Variants in CABIN1 observed in about 807,000 individuals in gnomAD.
CABIN1 encodes calcineurin-binding protein cabin-1.
A neutral mutation model predicts 227.7 loss-of-function variants in CABIN1; 133 were observed. The ratio of observed to expected loss-of-function variants is 0.58; its 90% CI spans 0.51 to 0.67. The LOEUF is 0.67. CABIN1 is among the 30% of genes least tolerant of loss of function. CABIN1 has a pLI of 0.00. For synonymous variants in CABIN1, 1,086 were observed against 1,155.1 expected (o/e 0.94, Z 1.21); for missense variants, 2,408 against 2,852.5 (o/e 0.84, Z 3.55).
chr22:24,175,775 C>T, intron 34 of CABIN1: 2 of 445,784 alleles, frequency 4.5e-6, no homozygotes, highest in Non-Finnish European at 4.2e-6. Context: ...TGGACACTGC[C>T]CCCCCATCCC....
intron 1 of CABIN1, among the ~76,000 whole-genome samples, chr22:24,019,551 C>T (rs185601788): frequency 2.0e-5 from 3 of 151,152 alleles, no homozygotes; most frequent in East Asian, 2.0e-4. Flanking sequence ...CACCATGCCC[C>T]GCCTGCTGAG....
At chr22:24,015,466 T>C (rs916733106) in intron 1 of CABIN1, among the ~76,000 whole-genome samples, 42 of 150,388 alleles carry the variant, frequency 2.8e-4, no homozygotes, top group African/African-American at 1.0e-3. Context: ...TGCCTGAGCC[T>C]CCCGAGTAGC....
chr22:24,071,468 A>G (rs878964224), intron 17 of CABIN1, among the ~76,000 whole-genome samples: 5 of 152,160 alleles, frequency 3.3e-5, no homozygotes, highest in Admixed American at 3.3e-4. Context: ...TCTTTAAGGC[A>G]GAGAATCTTC....
At position 24,083,210 on chromosome 22, in the gene CABIN1, C is replaced by T; in HGVS notation, c.2749-18C>T. 6.2e-7 allele frequency: 1 copy of T among 1,611,906 alleles called. No individual in the cohort carries two copies. Among genetic ancestry groups the T allele is most frequent in the Non-Finnish European group, 8.5e-7 (1 of 1,179,880 alleles). On this transcript the variant is annotated intron_variant, in intron 19 of 36. Coordinates refer to ENST00000263119, the MANE Select transcript of CABIN1 (RefSeq NM_012295.4). The stretch of plus-strand genomic sequence containing the variant: ...GCTACAGGCCCTCACCTCAGGCCAT[C>T]TCTTCTGCCCACCACAGGTGCGAGT...
chr22:24,131,235 C>T (rs1387874551), intron 28 of CABIN1, among the ~76,000 whole-genome samples: 1 of 152,222 alleles, frequency 6.6e-6, no homozygotes, highest in African/African-American at 2.4e-5. Context: ...ACATCTCCTC[C>T]TGCTGGCCTC....
chr22:24,159,406 G>T (rs935760148), intron 29 of CABIN1, among the ~76,000 whole-genome samples: 1 of 152,246 alleles, frequency 6.6e-6, no homozygotes, highest in African/African-American at 2.4e-5. Context: ...GGACAACCTG[G>T]GTGAGCTGGA....
chr22:24,081,282 G>GCT (rs1187007106), intron 19 of CABIN1, among the ~76,000 whole-genome samples: 1 of 152,014 alleles, frequency 6.6e-6, no homozygotes, highest in Non-Finnish European at 1.5e-5. Context: ...GTGGTCTAGA[G>GCT]CTCTCTCTCT....
intron 18 of CABIN1, among the ~76,000 whole-genome samples, chr22:24,074,269 G>C (rs1300985616): frequency 1.3e-5 from 2 of 152,076 alleles, no homozygotes; most frequent in Non-Finnish European, 2.9e-5. Context: ...AGTAAATGCG[G>C]ATAGAGGAAT....
chr22:24,160,136 G>A (rs2148612875), intron 29 of CABIN1, among the ~76,000 whole-genome samples: 1 of 152,194 alleles, frequency 6.6e-6, no homozygotes, highest in Admixed American at 6.5e-5. Context: ...TCCCTCTCTG[G>A]AAAATGAGGG....
intron 35 of CABIN1, among the ~76,000 whole-genome samples, chr22:24,176,924 G>A (rs1466648000): frequency 6.6e-6 from 1 of 152,254 alleles, no homozygotes; most frequent in African/African-American, 2.4e-5. Flanking sequence ...TGGGGCTGCA[G>A]AGGAATGTGG....
chr22:24,098,723 G>A (rs1433323981), intron 26 of CABIN1, among the ~76,000 whole-genome samples: 1 of 152,196 alleles, frequency 6.6e-6, no homozygotes. Context: ...GTGGGATGGG[G>A]CAGGTGGCGA....
intron 26 of CABIN1, among the ~76,000 whole-genome samples, chr22:24,108,129 G>C (rs367846287): frequency 1.1e-4 from 17 of 152,244 alleles, no homozygotes; most frequent in Non-Finnish European, 2.2e-4. Flanking sequence ...CAGGGACAGA[G>C]GTAGGAAGAC....
Position 24,176,207 on chromosome 22 carries a change from C to T in CABIN1, c.6137C>T (p.Pro2046Leu), listed in dbSNP as rs748763833. Residue 2046 changes from proline to leucine, a missense_variant, in exon 35 of 37, where the codon CCG becomes CTG. Pro to Leu is a moderately conservative substitution (Grantham distance 98). Coordinates refer to ENST00000263119, the MANE Select transcript of CABIN1 (RefSeq NM_012295.4). ...GTGAAGATGGCCCCCACAAGTTCCC[C>T]GGCAGAGCCACACTGCTGGCCGGCA... ...PQVKMAPTSS[P>L]AEPHCWPAEA... The T allele has an allele frequency of 6.2e-6, 10 of 1,610,490 alleles. No homozygotes were observed. The highest frequency in any genetic ancestry group is 1.6e-4 in the Middle Eastern group (1 of 6,072).
intron 5 of CABIN1, 21 bp downstream of exon 5, chr22:24,041,294 A>C: frequency 1.2e-6 from 2 of 1,614,108 alleles, no homozygotes; most frequent in Non-Finnish European, 1.7e-6. Flanking sequence ...GGCAGTGCTT[A>C]GCTACCTTGG....
rs748248035 is a variant in CABIN1 at position 24,134,266 on chromosome 22, A to G, written c.4633-36A>G. The G allele has an allele frequency of 2.6e-6, 4 of 1,553,004 alleles. No homozygotes were observed. In the South Asian group the frequency reaches 3.4e-5, roughly 13 times the overall value. ...TCCCTGTGGGCGCCCTGAGCAGCCCACACACTCACTTTCAACCTACTTCTT... is the reference window on the plus strand; with the variant it reads ...TCCCTGTGGGCGCCCTGAGCAGCCCGCACACTCACTTTCAACCTACTTCTT... On this transcript the variant is annotated intron_variant, in intron 28 of 36. Coordinates refer to ENST00000263119, the MANE Select transcript of CABIN1 (RefSeq NM_012295.4).
intron 8 of CABIN1, 103 bp downstream of exon 8, chr22:24,051,077 T>A (rs1286993373): frequency 6.7e-7 from 1 of 1,494,202 alleles, no homozygotes; most frequent in Non-Finnish European, 9.3e-7. Flanking sequence ...TGATCCTGGG[T>A]TGGTGGTATG....
At chr22:24,033,998 C>T (rs1384492531) in intron 1 of CABIN1, among the ~76,000 whole-genome samples, 1 of 152,196 alleles carries the variant, frequency 6.6e-6, no homozygotes. Context: ...AATTTTTCCA[C>T]GGACCAGAGG....
At chr22:24,022,978 G>T (rs6004041) in intron 1 of CABIN1, among the ~76,000 whole-genome samples, 1 of 151,872 alleles carries the variant, frequency 6.6e-6, no homozygotes, top group African/African-American at 2.4e-5. Context: ...CAATTCAGTG[G>T]CATAAAGAAC....
At chr22:24,019,057 G>GTA (rs2035505672) in intron 1 of CABIN1, among the ~76,000 whole-genome samples, 1 of 135,638 alleles carries the variant, frequency 7.4e-6, no homozygotes, top group African/African-American at 2.8e-5. Flanking sequence ...TTTATGGTTT[G>GTA]TATATATGAA....
Sources: gnomAD v4.1 joint callset for allele counts (sites outside exome capture counted in the v4.1 genomes callset) on GRCh38, gnomAD v4.1.1 for gene constraint, MANE v1.5 for transcripts, NCBI Gene and HGNC (gene_info 2026-07-23, HGNC 2026-07-21) for gene names.